Variants in TBC1D32 observed in about 807,000 individuals in gnomAD.
TBC1D32 encodes protein broad-minded.
In TBC1D32, 151 loss-of-function variants were observed where a neutral mutation model predicts 170.3. The ratio of observed to expected loss-of-function variants is 0.89; its 90% CI spans 0.78 to 1.01. The LOEUF (loss-of-function observed/expected upper bound fraction) is 1.01, where lower values mean the gene tolerates loss of function less well. TBC1D32 is among the 50% of genes least tolerant of loss of function. TBC1D32 has a pLI of 0.00. For synonymous variants in TBC1D32, 498 were observed against 488.0 expected, an observed-to-expected ratio of 1.02 and a Z score of -0.27; for missense variants, 1,464 against 1,457.1, an observed-to-expected ratio of 1.00 and a Z score of -0.08.
At chr6:121,202,794 T>A (rs1417641062) in intron 22 of TBC1D32, among the ~76,000 whole-genome samples, 1 of 151,248 alleles carries the variant, frequency 6.6e-6, no homozygotes, top group African/African-American at 2.5e-5. Context: ...TGAGTATTAG[T>A]CATTTACAAT....
intron 15 of TBC1D32, among the ~76,000 whole-genome samples, chr6:121,272,461 C>T (rs1583502715): frequency 1.3e-5 from 2 of 152,056 alleles, no homozygotes; most frequent in African/African-American, 4.8e-5. Context: ...TATGAATAGA[C>T]ACTTATCAAA....
intron 8 of TBC1D32, 73 bp from the exon 9 acceptor site, chr6:121,303,834 T>C (rs1583657810): frequency 9.8e-7 from 1 of 1,023,044 alleles, no homozygotes; most frequent in East Asian, 2.8e-5. Flanking sequence ...CATGGAATGA[T>C]AAAGTAGCAT....
At chr6:121,215,138 T>C (rs1473594537) in intron 21 of TBC1D32, among the ~76,000 whole-genome samples, 1 of 152,192 alleles carries the variant, frequency 6.6e-6, no homozygotes, top group East Asian at 1.9e-4. Flanking sequence ...GGGGCTTTTA[T>C]GGGCTTCAGA....
rs1779298207 is a variant in TBC1D32 at position 121,112,635 on chromosome 6, C to G, written c.3194G>C (p.Gly1065Ala). 1 of 1,594,924 alleles carries G rather than the reference C, an allele frequency of 6.3e-7. No homozygotes were observed. The highest frequency in any genetic ancestry group is 8.5e-7 in the Non-Finnish European group (1 of 1,171,158). The change falls in exon 29 of 32, where the codon GGC becomes GCC. Residue 1065 changes from glycine to alanine, a missense_variant. By Grantham distance (60) the Gly-to-Ala change is moderately conservative. Transcript: ENST00000398212. ...CAGAGAAGATACAAACCAGTCATGG[C>G]CAGCATAATTCCCTTGCAGGCAGAC... is the stretch of plus-strand genomic sequence containing the variant. ...SLLCLQGNYAGHDWFVSSLFM... is the reference protein window; with the variant it reads ...SLLCLQGNYAAHDWFVSSLFM...
intron 7 of TBC1D32, 24 bp downstream of exon 7, chr6:121,304,498 A>G (rs777369127): frequency 6.2e-7 from 1 of 1,602,280 alleles, no homozygotes; most frequent in Admixed American, 1.7e-5. Context: ...ATAAAAATGA[A>G]AGCATATTGT....
intron 21 of TBC1D32, 103 bp from the exon 22 acceptor site, chr6:121,205,266 T>C (rs961819380): frequency 1.9e-6 from 1 of 535,638 alleles, no homozygotes; most frequent in African/African-American, 2.0e-5. Context: ...AATTTGCCTT[T>C]ACAAGGAAAT....
intron 12 of TBC1D32, among the ~76,000 whole-genome samples, chr6:121,290,467 TTAG>T (rs1249395906): frequency 2.0e-5 from 3 of 151,838 alleles, no homozygotes; most frequent in Non-Finnish European, 4.4e-5. Context: ...CTCACACCAG[TTAG>T]AATGGCGATC....
At chr6:121,155,228 T>A (rs749639507) in intron 24 of TBC1D32, among the ~76,000 whole-genome samples, 1 of 152,094 alleles carries the variant, frequency 6.6e-6, no homozygotes, top group African/African-American at 2.4e-5. Flanking sequence ...ATTAGTTAGA[T>A]GCATTCCTAG....
chr6:121,297,004 A>C (rs1243695542), intron 10 of TBC1D32, among the ~76,000 whole-genome samples: 1 of 151,736 alleles, frequency 6.6e-6, no homozygotes, highest in Non-Finnish European at 1.5e-5. Flanking sequence ...TTCACCATCC[A>C]CTTACTTACA....
At chr6:121,196,432 C>T (rs1790746823) in intron 22 of TBC1D32, among the ~76,000 whole-genome samples, 3 of 152,206 alleles carry the variant, frequency 2.0e-5, no homozygotes, top group Admixed American at 6.5e-5. Context: ...TTACAATGGA[C>T]CTCTTCCATT....
intron 3 of TBC1D32, among the ~76,000 whole-genome samples, chr6:121,314,735 A>G (rs2128493014): frequency 6.6e-6 from 1 of 152,336 alleles, no homozygotes; most frequent in South Asian, 2.1e-4. Flanking sequence ...CTTAATGTAT[A>G]TCAGAGGTAA....
chr6:121,236,209 C>G (rs1409000975), intron 20 of TBC1D32, among the ~76,000 whole-genome samples: 4 of 151,524 alleles, frequency 2.6e-5, no homozygotes, highest in Non-Finnish European at 5.9e-5. Context: ...TAAGGAAGTA[C>G]TGTCCAATAG....
At position 121,188,859 on chromosome 6, in the gene TBC1D32, A is replaced by C. The variant is rs192911420; in HGVS notation, c.2570+16216T>G. Among the ~76,000 whole-genome samples the C allele has an allele frequency of 8.5e-5, 13 of 152,316 alleles. No individual in the cohort carries two copies. The East Asian group carries it at 1.7e-3, about 20-fold the overall frequency. The stretch of plus-strand genomic sequence containing the variant: ...CTCTAGCTGCTCTGCCAAAAAGATA[A>C]ATGTGGGCTCTGGGCTGGAAGTGGA... On this transcript the variant is annotated intron_variant, in intron 22 of 31. Transcript: ENST00000398212.
At chr6:121,162,976 A>T (rs1785970586) in intron 22 of TBC1D32, 1 of 87,066 alleles carries the variant, frequency 1.1e-5, no homozygotes, top group African/African-American at 3.9e-5. Flanking sequence ...GCACCTGGAA[A>T]ATCGGGTCAC....
intron 24 of TBC1D32, among the ~76,000 whole-genome samples, chr6:121,157,952 T>C (rs1372054691): frequency 6.6e-6 from 1 of 152,108 alleles, no homozygotes; most frequent in Non-Finnish European, 1.5e-5. Context: ...TTTGCAATGA[T>C]TTTGGTAAAT....
At chr6:121,238,549 G>T (rs1796587311) in intron 20 of TBC1D32, among the ~76,000 whole-genome samples, 1 of 152,030 alleles carries the variant, frequency 6.6e-6, no homozygotes, top group Non-Finnish European at 1.5e-5. Flanking sequence ...GTGAACTTTG[G>T]AGAATATGTT....
At chr6:121,316,316 A>C (rs1808932849) in intron 3 of TBC1D32, among the ~76,000 whole-genome samples, 1 of 152,134 alleles carries the variant, frequency 6.6e-6, no homozygotes, top group South Asian at 2.1e-4. Flanking sequence ...TGGTTCAGCA[A>C]ATAAGTAAGA....
chr6:121,169,064 AAT>A (rs1491297301), intron 22 of TBC1D32, among the ~76,000 whole-genome samples: 47 of 69,756 alleles, frequency 6.7e-4, no homozygotes, highest in African/African-American at 9.8e-4. Context: ...TCAGAAAAAA[AAT>A]ATTTTAAAAT....
At chr6:121,157,352 T>C (rs1785035414) in intron 24 of TBC1D32, among the ~76,000 whole-genome samples, 2 of 152,142 alleles carry the variant, frequency 1.3e-5, no homozygotes, top group Non-Finnish European at 2.9e-5. Context: ...ATGTTTTCCA[T>C]TTGTGTGGTT....
Sources: allele counts gnomAD v4.1 joint callset (sites outside exome capture counted in the v4.1 genomes callset), GRCh38; gene constraint gnomAD v4.1.1; transcripts MANE v1.5; gene names NCBI Gene and HGNC (gene_info 2026-07-23, HGNC 2026-07-21).